Variants in INPP4B observed in about 807,000 individuals in gnomAD.
INPP4B encodes inositol polyphosphate 4-phosphatase type II.
INPP4B carries 55 observed loss-of-function variants against 122.5 expected under a neutral mutation model. That is an observed-to-expected ratio of 0.45 (90% CI 0.36 to 0.56). The LOEUF is 0.56. Ranked by LOEUF, INPP4B falls within the 20% of genes least tolerant of loss-of-function variation. The pLI is 0.00. For synonymous variants in INPP4B, 403 were observed against 388.7 expected (o/e 1.04, Z -0.43); for missense variants, 1,000 against 1,097.7 (o/e 0.91, Z 1.26).
At chr4:142,079,921 T>A (rs1172299591) in intron 25 of INPP4B, among the ~76,000 whole-genome samples, 2 of 152,148 alleles carry the variant, frequency 1.3e-5, no homozygotes, top group African/African-American at 4.8e-5. Flanking sequence ...AGCTAGATTA[T>A]ACTGCACATG....
At chr4:142,237,549 A>G (rs1207963877) in intron 12 of INPP4B, among the ~76,000 whole-genome samples, 1 of 152,072 alleles carries the variant, frequency 6.6e-6, no homozygotes, top group African/African-American at 2.4e-5. Flanking sequence ...TTACACTGAT[A>G]GAACATTTCA....
intron 1 of INPP4B, among the ~76,000 whole-genome samples, chr4:142,735,952 C>CACACAT (rs1766809704): frequency 6.6e-6 from 1 of 151,558 alleles, no homozygotes; most frequent in Non-Finnish European, 1.5e-5. Context: ...CACACACACA[C>CACACAT]ACACACACAC....
intron 2 of INPP4B, among the ~76,000 whole-genome samples, chr4:142,691,233 A>G (rs140884793): frequency 3.9e-4 from 59 of 152,320 alleles, no homozygotes; most frequent in African/African-American, 1.4e-3. Flanking sequence ...TCAAAGGAAA[A>G]TGATAGCCCC....
chr4:142,542,669 C>A (rs1829077687), intron 2 of INPP4B, among the ~76,000 whole-genome samples: 1 of 152,046 alleles, frequency 6.6e-6, no homozygotes, highest in South Asian at 2.1e-4. Flanking sequence ...TCTTGATGTC[C>A]AGAGCCATTG....
At chr4:142,446,320 G>A (rs142095994) in intron 3 of INPP4B, among the ~76,000 whole-genome samples, 1 of 151,754 alleles carries the variant, frequency 6.6e-6, no homozygotes, top group Non-Finnish European at 1.5e-5. Flanking sequence ...AACTTCACTA[G>A]TATCAGGGAA....
At chr4:142,475,101 T>C (rs1819587256) in intron 2 of INPP4B, among the ~76,000 whole-genome samples, 2 of 152,272 alleles carry the variant, frequency 1.3e-5, no homozygotes, top group Non-Finnish European at 2.9e-5. Context: ...GTCTGCCAAC[T>C]GTGGCCCTTG....
At chr4:142,569,279 G>T (rs1732300734) in intron 2 of INPP4B, among the ~76,000 whole-genome samples, 1 of 149,606 alleles carries the variant, frequency 6.7e-6, no homozygotes, top group African/African-American at 2.4e-5. Flanking sequence ...ATCTACCACT[G>T]CAAATAAACA....
chr4:142,438,775 T>C (rs1435070508), intron 3 of INPP4B, among the ~76,000 whole-genome samples: 8 of 152,022 alleles, frequency 5.3e-5, no homozygotes, highest in Non-Finnish European at 1.2e-4. Context: ...ACCTACAGAA[T>C]GGGAGAAAAT....
chr4:142,552,430 T>TAAA (rs560749007), intron 2 of INPP4B, among the ~76,000 whole-genome samples: 2,714 of 144,216 alleles, frequency 0.019, 46 homozygotes, highest in African/African-American at 0.03. Flanking sequence ...CTTGAAGTCT[T>TAAA]AAAAAAAAAA....
chr4:142,378,229 T>C (rs1003770459), intron 7 of INPP4B, among the ~76,000 whole-genome samples: 4 of 152,172 alleles, frequency 2.6e-5, no homozygotes, highest in Admixed American at 6.6e-5. Context: ...CTAGAACTTT[T>C]GGCTCTAAAT....
chr4:142,328,343 C>T (rs1028397932), intron 7 of INPP4B, among the ~76,000 whole-genome samples: 2 of 152,180 alleles, frequency 1.3e-5, no homozygotes, highest in Non-Finnish European at 2.9e-5. Flanking sequence ...TGGATGGCAG[C>T]TGAGAGATCG....
chr4:142,309,402 A>T (rs1764597998), intron 8 of INPP4B, among the ~76,000 whole-genome samples: 1 of 152,192 alleles, frequency 6.6e-6, no homozygotes, highest in Non-Finnish European at 1.5e-5. Flanking sequence ...TGTAGTTATG[A>T]ATATTATTGT....
intron 2 of INPP4B, among the ~76,000 whole-genome samples, chr4:142,483,517 T>C (rs1233821095): frequency 6.6e-6 from 1 of 152,044 alleles, no homozygotes; most frequent in African/African-American, 2.4e-5. Flanking sequence ...CTCTAGGTCT[T>C]AGTCAATTGT....
At chr4:142,059,905 T>C (rs1759687753) in intron 25 of INPP4B, among the ~76,000 whole-genome samples, 1 of 152,186 alleles carries the variant, frequency 6.6e-6, no homozygotes, top group Non-Finnish European at 1.5e-5. Context: ...ACTGGTATTC[T>C]GTTCCCTTTG....
chr4:142,311,232 CAT>C (rs1765406481), intron 8 of INPP4B, among the ~76,000 whole-genome samples: 1 of 152,268 alleles, frequency 6.6e-6, no homozygotes, highest in African/African-American at 2.4e-5. Flanking sequence ...AGGTGGTCAA[CAT>C]GTGTTAACTT....
At chr4:142,530,611 A>T (rs1827492250) in intron 2 of INPP4B, among the ~76,000 whole-genome samples, 1 of 151,506 alleles carries the variant, frequency 6.6e-6, no homozygotes, top group Admixed American at 6.6e-5. Context: ...ACATACACAT[A>T]AGGAAGAAAA....
intron 3 of INPP4B, among the ~76,000 whole-genome samples, chr4:142,445,327 G>T (rs1328360552): frequency 6.6e-6 from 1 of 152,032 alleles, no homozygotes; most frequent in Non-Finnish European, 1.5e-5. Flanking sequence ...AGAAAAAATA[G>T]AAAAGAATAA....
chr4:142,347,082 A>G (rs1309206775), intron 7 of INPP4B, among the ~76,000 whole-genome samples: 2 of 152,200 alleles, frequency 1.3e-5, no homozygotes, highest in East Asian at 1.9e-4. Context: ...TGGGATGCCT[A>G]GATAACCAAC....
At chr4:142,068,484 T>C (rs1764973757) in intron 25 of INPP4B, among the ~76,000 whole-genome samples, 1 of 152,116 alleles carries the variant, frequency 6.6e-6, no homozygotes, top group East Asian at 1.9e-4. Context: ...TGTAACAATA[T>C]TAACATTAAA....
Sources: gnomAD v4.1 joint callset for allele counts (sites outside exome capture counted in the v4.1 genomes callset) on GRCh38, gnomAD v4.1.1 for gene constraint, MANE v1.5 for transcripts, NCBI Gene and HGNC (gene_info 2026-07-23, HGNC 2026-07-21) for gene names.